Variants in HTT observed in about 807,000 individuals in gnomAD.
HTT encodes the protein huntingtin.
HTT carries 104 observed loss-of-function variants against 362.3 expected under a neutral mutation model. That is an observed-to-expected ratio of 0.29 (90% CI 0.24 to 0.34). The LOEUF (loss-of-function observed/expected upper bound fraction) is 0.34, where lower values mean the gene tolerates loss of function less well. Among genes scored for constraint, HTT ranks in the 10% least tolerant of loss-of-function variants. The probability of loss-of-function intolerance (pLI) is 1.00; values close to 1 mark genes in which losing one functional copy is unlikely to be tolerated. For synonymous variants in HTT, 1,577 were observed against 1,548.7 expected (o/e 1.02, Z -0.43); for missense variants, 3,301 against 3,928.6 (o/e 0.84, Z 4.27).
chr4:3,207,909 T>C (rs1213482436), intron 45 of HTT, among the ~76,000 whole-genome samples: 1 of 152,126 alleles, frequency 6.6e-6, no homozygotes, highest in Admixed American at 6.5e-5. Context: ...AGTTAAACTT[T>C]TACCTTTTTC....
rs1578572007 is a variant in HTT, at chr4:3,187,644, A to C, written c.4990-7A>C. ...CAGCTGTGACTTATGTATTATGTTTATTTTAGGCGTCCGTGAGCACTGTTC... is the reference window on the plus strand; with the variant it reads ...CAGCTGTGACTTATGTATTATGTTTCTTTTAGGCGTCCGTGAGCACTGTTC... On this transcript the variant is annotated splice_region_variant and splice_polypyrimidine_tract_variant and intron_variant, in intron 38 of 66. Coordinates refer to ENST00000355072, the MANE Select transcript of HTT (RefSeq NM_001388492.1). 6.2e-7 allele frequency: 1 copy of C among 1,605,962 alleles called. No homozygotes were observed. Among genetic ancestry groups the C allele is most frequent in the East Asian group, 2.2e-5 (1 of 44,842 alleles).
intron 37 of HTT, among the ~76,000 whole-genome samples, chr4:3,184,780 G>T (rs1718687297): frequency 6.6e-6 from 1 of 152,078 alleles, no homozygotes; most frequent in African/African-American, 2.4e-5. Flanking sequence ...CAGGGGGTCA[G>T]CATCTGAGAT....
At chr4:3,186,983 C>G (rs752369894) in intron 38 of HTT, among the ~76,000 whole-genome samples, 1 of 151,594 alleles carries the variant, frequency 6.6e-6, no homozygotes, top group East Asian at 1.9e-4. Flanking sequence ...CTCAGCCTCC[C>G]GAGTTGCTGG....
chr4:3,156,129 C>T (rs1164073341), intron 27 of HTT, among the ~76,000 whole-genome samples: 1 of 152,042 alleles, frequency 6.6e-6, no homozygotes, highest in Non-Finnish European at 1.5e-5. Flanking sequence ...CCAACACATT[C>T]AAGGTTTTTT....
chr4:3,110,747 T>G (rs1714704454), intron 6 of HTT, among the ~76,000 whole-genome samples: 1 of 152,240 alleles, frequency 6.6e-6, no homozygotes, highest in Non-Finnish European at 1.5e-5. Context: ...TGTACTTTTC[T>G]TTGGAAGCTT....
intron 2 of HTT, among the ~76,000 whole-genome samples, chr4:3,098,694 AAC>A (rs1195917348): frequency 2.6e-5 from 4 of 152,254 alleles, no homozygotes; most frequent in African/African-American, 9.6e-5. Context: ...GCACAACAAA[AAC>A]ACAATCTGAC....
rs750682249 is a variant in HTT, at chr4:3,174,929, T to G, written c.4246-17T>G. ...GCTTACTTATGGATTCTTTCTTTCT[T>G]TTTTTCTTTTTTATAGAATGCTATT... On this transcript the variant is annotated splice_polypyrimidine_tract_variant and intron_variant, in intron 32 of 66. Transcript: ENST00000355072. 18 of 1,557,892 alleles carry G rather than the reference T, an allele frequency of 1.2e-5. No homozygotes were observed. In the South Asian group the frequency reaches 1.9e-4, roughly 16 times the overall value.
intron 40 of HTT, among the ~76,000 whole-genome samples, chr4:3,190,485 CCAG>C (rs1425635057): frequency 6.6e-6 from 1 of 152,040 alleles, no homozygotes; most frequent in East Asian, 1.9e-4. Flanking sequence ...ACCTGAAATC[CCAG>C]CACTTTGGGA....
rs573353052 is a variant in HTT, at chr4:3,212,077, A to T, written c.6563A>T (p.His2188Leu). 5.0e-5 allele frequency: 80 copies of T among 1,614,214 alleles called. No individual in the cohort carries two copies. The African/African-American group carries it at 6.4e-4, about 13-fold the overall frequency. ...GTVQQLPAVH[H>L]VFQPELPAEP... Reference sequence around the variant, plus strand: ...GTGCAGCAGCTCCCTGCTGTCCATCATGTCTTCCAGCCCGAGCTGCCTGCA... The same window carrying T: ...GTGCAGCAGCTCCCTGCTGTCCATCTTGTCTTCCAGCCCGAGCTGCCTGCA... Residue 2188 changes from histidine (H) to leucine (L), a missense_variant, in exon 48 of 67, where the codon CAT (histidine) becomes CTT (leucine). His to Leu is a moderately conservative substitution (Grantham distance 99). Around this residue, in one of 4 missense-constraint regions of HTT, gnomAD observed 220 missense variants for 218.5 expected, o/e 1.01. Coordinates refer to ENST00000355072, the MANE Select transcript of HTT (RefSeq NM_001388492.1).
At chr4:3,207,158 T>A (rs1719904088) in intron 44 of HTT, 123 bp from the exon 45 acceptor site, 4 of 1,069,530 alleles carry the variant, frequency 3.7e-6, no homozygotes, top group African/African-American at 1.6e-5. Flanking sequence ...GTTTCTTGTA[T>A]TTTTTTCTAG....
At chr4:3,092,065 T>C in intron 2 of HTT, among the ~76,000 whole-genome samples, 1 of 152,204 alleles carries the variant, frequency 6.6e-6, no homozygotes, top group Non-Finnish European at 1.5e-5. Flanking sequence ...ACTGTCCGCC[T>C]GGGCCAGAGT....
At chr4:3,185,548 A>G (rs1002709369) in intron 37 of HTT, among the ~76,000 whole-genome samples, 4 of 152,244 alleles carry the variant, frequency 2.6e-5, no homozygotes, top group African/African-American at 7.2e-5. Flanking sequence ...AGTGCCCACC[A>G]TCAATAAGTA....
chr4:3,210,617 C>G (rs1276233167), intron 47 of HTT, among the ~76,000 whole-genome samples: 2 of 150,048 alleles, frequency 1.3e-5, no homozygotes, highest in Non-Finnish European at 3.0e-5. Context: ...AGTGGGGGGG[C>G]CACCTCTTGG....
intron 3 of HTT, 108 bp downstream of exon 3, chr4:3,099,502 A>G: frequency 2.0e-6 from 3 of 1,471,166 alleles, no homozygotes; most frequent in Non-Finnish European, 2.8e-6. Flanking sequence ...GGATGTCTGC[A>G]CTTTTTTCCT....
At chr4:3,135,038 A>T (rs918240294) in intron 19 of HTT, among the ~76,000 whole-genome samples, 2 of 152,126 alleles carry the variant, frequency 1.3e-5, no homozygotes, top group Non-Finnish European at 2.9e-5. Context: ...TTTAAAATAT[A>T]AGTAGAAGAG....
intron 30 of HTT, 140 bp from the exon 31 acceptor site, chr4:3,172,768 G>A (rs1173927563): frequency 1.7e-6 from 1 of 593,156 alleles, no homozygotes; most frequent in East Asian, 3.1e-5. Flanking sequence ...GGTATTAATA[G>A]TGATTCACAG....
At chr4:3,103,473 G>A (rs73191188) in intron 3 of HTT, among the ~76,000 whole-genome samples, 49,342 of 151,640 alleles carry the variant, frequency 0.33, 8,371 homozygotes, top group East Asian at 0.42. Flanking sequence ...TGATCTGCCC[G>A]CCTTGGCCTC....
intron 25 of HTT, 44 bp downstream of exon 25, chr4:3,146,992 T>C: frequency 1.2e-6 from 2 of 1,602,638 alleles, no homozygotes; most frequent in East Asian, 2.2e-5. Flanking sequence ...ACTTGGATTT[T>C]GATTTCCTTA....
chr4:3,229,302 C>CCA (rs35275647), intron 59 of HTT, among the ~76,000 whole-genome samples: 89 of 140,634 alleles, frequency 6.3e-4, no homozygotes, highest in Admixed American at 1.8e-3. Flanking sequence ...CATGCATGCA[C>CCA]CACACACACA....
Sources: allele counts gnomAD v4.1 joint callset (sites outside exome capture counted in the v4.1 genomes callset), GRCh38; gene constraint gnomAD v4.1.1; regional missense constraint gnomAD v4.1.1; transcripts MANE v1.5; gene names NCBI Gene and HGNC (gene_info 2026-07-23, HGNC 2026-07-21).